The following SAMD5 variants were observed in gnomAD, a reference collection of about 807,000 sequenced individuals.
SAMD5 encodes sterile alpha motif domain-containing protein 5.
In SAMD5, 13 loss-of-function variants were observed where a neutral mutation model predicts 11.3. The observed-to-expected ratio is 1.15, with a 90% CI of 0.75 to 1.83. The LOEUF (loss-of-function observed/expected upper bound fraction) is 1.83, where lower values mean the gene tolerates loss of function less well. SAMD5 is among the 40% of genes most tolerant of loss of function. The pLI is 0.00. For missense variants in SAMD5, 255 were observed against 239.1 expected (o/e 1.07, Z -0.44); for synonymous variants, 129 against 111.3 (o/e 1.16, Z -1.00).
At chr6:147,551,080 A>G (rs702328) in intron 1 of SAMD5, among the ~76,000 whole-genome samples, 53,127 of 152,014 alleles carry the variant, frequency 0.35, 9,605 homozygotes, top group East Asian at 0.55. Flanking sequence ...GTCATTCTGT[A>G]ATACCTTGCT....
the SAMD5 span, among the ~76,000 whole-genome samples, chr6:147,798,442 A>T: frequency 1.3e-5 from 2 of 148,416 alleles, no homozygotes; most frequent in South Asian, 4.4e-4. Context: ...ATAGTTTGTT[A>T]TGATCTCTGT....
chr6:147,851,882 C>T, the SAMD5 span, among the ~76,000 whole-genome samples: 68 of 152,016 alleles, frequency 4.5e-4, no homozygotes, highest in African/African-American at 1.6e-3. Flanking sequence ...TTTTTTTATC[C>T]CCCAAATTTA....
the SAMD5 span, among the ~76,000 whole-genome samples, chr6:147,918,040 G>A: frequency 5.9e-5 from 9 of 152,192 alleles, no homozygotes. Context: ...TGGCGATGAG[G>A]GCTCTTTTTT....
At chr6:147,773,835 G>T in the SAMD5 span, among the ~76,000 whole-genome samples, 1 of 152,060 alleles carries the variant, frequency 6.6e-6, no homozygotes, top group Non-Finnish European at 1.5e-5. Flanking sequence ...GGGCAAGGAA[G>T]CCCTCTGGGG....
chr6:147,802,552 C>T, the SAMD5 span, among the ~76,000 whole-genome samples: 1 of 151,348 alleles, frequency 6.6e-6, no homozygotes, highest in Non-Finnish European at 1.5e-5. Flanking sequence ...CAGTTCCACC[C>T]CTGGGTAGAG....
At chr6:147,760,624 T>C in the SAMD5 span, among the ~76,000 whole-genome samples, 1 of 152,202 alleles carries the variant, frequency 6.6e-6, no homozygotes, top group African/African-American at 2.4e-5. Flanking sequence ...ATTTTTATGA[T>C]ATTGAGAGCA....
intron 1 of SAMD5, among the ~76,000 whole-genome samples, chr6:147,552,803 T>C (rs190035536): frequency 6.6e-6 from 1 of 152,304 alleles, no homozygotes; most frequent in East Asian, 1.9e-4. Flanking sequence ...AGAACTACTA[T>C]GGTAGTTATG....
chr6:147,533,397 G>A (rs1191967743), intron 1 of SAMD5, among the ~76,000 whole-genome samples: 3 of 149,920 alleles, frequency 2.0e-5, no homozygotes, highest in Non-Finnish European at 3.0e-5. Flanking sequence ...GGGAGGTGGA[G>A]GTTGCTGTAA....
At chr6:147,510,079 C>A (rs574507743) in intron 1 of SAMD5, among the ~76,000 whole-genome samples, 1 of 152,106 alleles carries the variant, frequency 6.6e-6, no homozygotes, top group Non-Finnish European at 1.5e-5. Context: ...TGGGCTGTCA[C>A]GAGTTTGGTT....
chr6:147,843,881 A>G, the SAMD5 span, among the ~76,000 whole-genome samples: 1 of 152,216 alleles, frequency 6.6e-6, no homozygotes, highest in Non-Finnish European at 1.5e-5. Context: ...ACATGAAACT[A>G]TAACACGACT....
In SAMD5 at chr6:147,737,372, TG is replaced by T; in HGVS notation, c.219del (p.Asn74IlefsTer2). On this transcript the variant is annotated frameshift_variant, in exon 2 of 2. Coordinates refer to the SAMD5 transcript ENST00000566741. LOFTEE classifies it low-confidence loss of function (END_TRUNC). ...ATTTGCGTGCTGTTTATTGGAGCTG[TG>T]AATTTAATCATCTCAATCCCACGCT... The T allele has an allele frequency of 7.9e-7, 1 of 1,258,760 alleles. No homozygotes were observed. The highest frequency in any genetic ancestry group is 1.0e-6 in the Non-Finnish European group (1 of 964,490). The allele number at this position is 1,258,760 out of a possible 1,614,324, so 78.0% of individuals were successfully genotyped here.
chr6:147,572,405 T>A (rs1448900732), downstream of SAMD5, among the ~76,000 whole-genome samples: 1 of 152,164 alleles, frequency 6.6e-6, no homozygotes, highest in African/African-American at 2.4e-5. Context: ...AAAATAAAAT[T>A]TTATAAACTC....
the SAMD5 span, among the ~76,000 whole-genome samples, chr6:147,909,624 C>CTCTCTCTCTCTCTCTTTCTTTA: frequency 1.5e-5 from 1 of 68,874 alleles, no homozygotes; most frequent in Non-Finnish European, 2.6e-5. Flanking sequence ...TTCTTTCTTT[C>CTCTCTCTCTCTCTCTTTCTTTA]TTTCTTTCTC....
Position 147,568,681 on chromosome 6 carries a change from AATCT to A in SAMD5, c.*4228_*4231del. The A allele has an allele frequency of 1.0e-6, 1 of 985,414 alleles. No individual in the cohort carries two copies. The highest frequency in any genetic ancestry group is 1.2e-6 in the Non-Finnish European group (1 of 829,900). The allele number at this position is 985,414 out of a possible 1,614,324, so 61.0% of individuals were successfully genotyped here. On this transcript the variant is annotated 3_prime_UTR_variant, in exon 2 of 2. Transcript: ENST00000367474. ...CAAATGAGTTGTGCAGAGCAGAGCA[AATCT>A]ATTAGGCTTTCTCTTTTAGAGTTTT...
chr6:147,600,070 T>A (rs1562330256), intron 1 of SAMD5, among the ~76,000 whole-genome samples: 1 of 151,940 alleles, frequency 6.6e-6, no homozygotes, highest in Non-Finnish European at 1.5e-5. Context: ...GGTTTGGGAG[T>A]GAGGGCCACT....
At chr6:147,805,421 T>G in the SAMD5 span, among the ~76,000 whole-genome samples, 1 of 150,116 alleles carries the variant, frequency 6.7e-6, no homozygotes, top group Non-Finnish European at 1.5e-5. Flanking sequence ...TATGTTATAT[T>G]GTAGTAATGG....
chr6:147,640,174 A>T (rs1790288931), intron 1 of SAMD5, among the ~76,000 whole-genome samples: 1 of 151,948 alleles, frequency 6.6e-6, no homozygotes, highest in African/African-American at 2.4e-5. Context: ...AAAAATACAA[A>T]AATTAGCTGG....
chr6:147,675,478 A>G (rs1165989440), intron 1 of SAMD5, among the ~76,000 whole-genome samples: 2 of 152,168 alleles, frequency 1.3e-5, no homozygotes, highest in Admixed American at 6.5e-5. Flanking sequence ...TGTTCTAGAT[A>G]CTGTTTTACT....
the SAMD5 span, among the ~76,000 whole-genome samples, chr6:147,943,753 C>CT: frequency 6.6e-6 from 1 of 152,086 alleles, no homozygotes; most frequent in Non-Finnish European, 1.5e-5. Context: ...GGACTACAGC[C>CT]TTTTTTCAGA....
Sources: gnomAD v4.1 joint callset for allele counts (sites outside exome capture counted in the v4.1 genomes callset) on GRCh38, gnomAD v4.1.1 for gene constraint, MANE v1.5 for transcripts, NCBI Gene and HGNC (gene_info 2026-07-23, HGNC 2026-07-21) for gene names.